Variants in RGS7 observed in about 807,000 individuals in gnomAD.
RGS7 encodes regulator of G protein signaling 7.
In RGS7, 27 loss-of-function variants were observed where a neutral mutation model predicts 81.1. That is an observed-to-expected ratio of 0.33 (90% CI 0.25 to 0.46). The LOEUF is 0.46. Among genes scored for constraint, RGS7 ranks in the 20% least tolerant of loss-of-function variants. The probability of loss-of-function intolerance (pLI) is 1.00; values close to 1 mark genes in which losing one functional copy is unlikely to be tolerated. For missense variants in RGS7, 396 were observed against 607.4 expected, an observed-to-expected ratio of 0.65 and a Z score of 3.66; for synonymous variants, 208 against 207.7, an observed-to-expected ratio of 1.00 and a Z score of -0.01.
At chr1:241,256,165 T>A (rs1036308532) in intron 2 of RGS7, among the ~76,000 whole-genome samples, 1 of 152,214 alleles carries the variant, frequency 6.6e-6, no homozygotes, top group African/African-American at 2.4e-5. Context: ...GACTGAACCA[T>A]CAATTTCTTA....
At chr1:240,886,446 C>T (rs1183198912) in intron 6 of RGS7, among the ~76,000 whole-genome samples, 1 of 152,184 alleles carries the variant, frequency 6.6e-6, no homozygotes, top group East Asian at 1.9e-4. Context: ...ACTAAAATAA[C>T]TGTATCCAAC....
At chr1:240,941,900 T>C (rs1677648804) in intron 4 of RGS7, among the ~76,000 whole-genome samples, 1 of 151,198 alleles carries the variant, frequency 6.6e-6, no homozygotes, top group South Asian at 2.1e-4. Flanking sequence ...GCATCACGCT[T>C]CACGGCAAAA....
At chr1:240,975,283 T>C (rs535479934) in intron 4 of RGS7, among the ~76,000 whole-genome samples, 1 of 152,132 alleles carries the variant, frequency 6.6e-6, no homozygotes, top group Non-Finnish European at 1.5e-5. Context: ...GCGCCTGTAG[T>C]CTCAGCTACT....
intron 4 of RGS7, among the ~76,000 whole-genome samples, chr1:240,953,580 G>T (rs1246317670): frequency 6.6e-6 from 1 of 151,962 alleles, no homozygotes; most frequent in East Asian, 1.9e-4. Flanking sequence ...CAGGTGGACT[G>T]CAGCAAAGGC....
chr1:240,860,159 C>T (rs1024191043), intron 9 of RGS7, among the ~76,000 whole-genome samples: 3 of 152,222 alleles, frequency 2.0e-5, no homozygotes, highest in East Asian at 1.9e-4. Context: ...TTGAGAAGAA[C>T]GTGTATTCTG....
chr1:240,954,805 T>C (rs949050617), intron 4 of RGS7, among the ~76,000 whole-genome samples: 4 of 152,154 alleles, frequency 2.6e-5, no homozygotes, highest in Admixed American at 6.5e-5. Context: ...ATAGTTAAAA[T>C]TGCCTTTGTT....
intron 9 of RGS7, among the ~76,000 whole-genome samples, chr1:240,850,802 T>A (rs1043982048): frequency 3.2e-4 from 48 of 151,938 alleles, no homozygotes; most frequent in African/African-American, 1.1e-3. Flanking sequence ...TAGGAAGAGG[T>A]TTGAGTGGTC....
intron 3 of RGS7, among the ~76,000 whole-genome samples, chr1:241,079,185 C>A (rs1464585810): frequency 3.9e-5 from 6 of 152,072 alleles, no homozygotes; most frequent in African/African-American, 1.5e-4. Flanking sequence ...GCCAACAGAG[C>A]AAATAATTAC....
intron 2 of RGS7, among the ~76,000 whole-genome samples, chr1:241,279,414 C>T (rs1248716583): frequency 6.6e-6 from 1 of 152,116 alleles, no homozygotes; most frequent in African/African-American, 2.4e-5. Context: ...CAAAAATAGT[C>T]TTCTAACAAA....
chr1:241,071,893 A>AAAAAAAAAAAAAG, intron 3 of RGS7, among the ~76,000 whole-genome samples: 1 of 149,180 alleles, frequency 6.7e-6, no homozygotes, highest in Non-Finnish European at 1.5e-5. Context: ...AAAAAAAAAA[A>AAAAAAAAAAAAAG]AACAAGAAAG....
chr1:241,025,080 C>T (rs680449), intron 3 of RGS7, among the ~76,000 whole-genome samples: 1 of 151,906 alleles, frequency 6.6e-6, no homozygotes, highest in Non-Finnish European at 1.5e-5. Context: ...TATCAGGAAG[C>T]GCAAAAGCCA....
At chr1:241,244,555 T>C (rs2076424712) in intron 2 of RGS7, among the ~76,000 whole-genome samples, 2 of 152,188 alleles carry the variant, frequency 1.3e-5, no homozygotes, top group South Asian at 4.1e-4. Context: ...TGGCGATTCC[T>C]CAAGGATCTA....
intron 3 of RGS7, among the ~76,000 whole-genome samples, chr1:241,026,308 C>T (rs2059778235): frequency 6.6e-6 from 1 of 152,132 alleles, no homozygotes; most frequent in Admixed American, 6.5e-5. Flanking sequence ...TAATTTATTG[C>T]CGGGTGCGGT....
intron 2 of RGS7, among the ~76,000 whole-genome samples, chr1:241,207,712 C>A (rs906186451): frequency 1.3e-5 from 2 of 152,128 alleles, no homozygotes; most frequent in African/African-American, 4.8e-5. Flanking sequence ...AGACATTTTG[C>A]AATTTTTAAA....
intron 6 of RGS7, among the ~76,000 whole-genome samples, chr1:240,911,688 G>A (rs1314837083): frequency 6.6e-6 from 1 of 152,130 alleles, no homozygotes; most frequent in Non-Finnish European, 1.5e-5. Context: ...CATGCCCAGT[G>A]GACCATGAAT....
chr1:240,970,277 T>A (rs953952145), intron 4 of RGS7, among the ~76,000 whole-genome samples: 4 of 152,184 alleles, frequency 2.6e-5, no homozygotes, highest in East Asian at 1.9e-4. Flanking sequence ...ATGGCAGACA[T>A]CCTGGGGGAA....
intron 2 of RGS7, among the ~76,000 whole-genome samples, chr1:241,214,961 G>A (rs1573170048): frequency 6.6e-6 from 1 of 152,022 alleles, no homozygotes; most frequent in East Asian, 1.9e-4. Flanking sequence ...GATTCTTTAT[G>A]TGCTTATCAT....
At chr1:240,961,078 AT>A (rs1681344907) in intron 4 of RGS7, among the ~76,000 whole-genome samples, 1 of 152,208 alleles carries the variant, frequency 6.6e-6, no homozygotes, top group Non-Finnish European at 1.5e-5. Context: ...ACAGCTAATT[AT>A]TTGGATCATT....
intron 15 of RGS7, among the ~76,000 whole-genome samples, chr1:240,805,491 T>C (rs1044958376): frequency 6.6e-6 from 1 of 152,234 alleles, no homozygotes; most frequent in Admixed American, 6.5e-5. Flanking sequence ...GAAATTCAAG[T>C]TGTTTCTACA....
Sources: gnomAD v4.1 joint callset for allele counts (sites outside exome capture counted in the v4.1 genomes callset) on GRCh38, gnomAD v4.1.1 for gene constraint, MANE v1.5 for transcripts, NCBI Gene and HGNC (gene_info 2026-07-23, HGNC 2026-07-21) for gene names.